CIROZ: variants seen among roughly 807,000 people sequenced by gnomAD.
CIROZ encodes ciliated left-right organizer protein containing ZP-N domains.
the CIROZ span, among the ~76,000 whole-genome samples, chr1:10,979,518 C>T: frequency 6.6e-6 from 1 of 152,088 alleles, no homozygotes; most frequent in Non-Finnish European, 1.5e-5. Context: ...GTTGGTTCAA[C>T]CACTCTTGGG....
At chr1:10,951,485 G>A in the CIROZ span, among the ~76,000 whole-genome samples, 1 of 151,456 alleles carries the variant, frequency 6.6e-6, no homozygotes, top group Non-Finnish European at 1.5e-5. Flanking sequence ...GGTGGAGGTT[G>A]CAGTGAGCCA....
chr1:10,976,327 CATT>C, the CIROZ span: 3 of 890,624 alleles, frequency 3.4e-6, no homozygotes, highest in Non-Finnish European at 5.1e-6. Flanking sequence ...TTCATTCACT[CATT>C]ATATTTCTTT....
the CIROZ span, among the ~76,000 whole-genome samples, chr1:10,957,266 C>A: frequency 6.6e-6 from 1 of 152,234 alleles, no homozygotes; most frequent in Non-Finnish European, 1.5e-5. Flanking sequence ...GCCGATGCAA[C>A]TAGGAAATAT....
the CIROZ span, chr1:10,948,208 G>A: frequency 6.2e-7 from 1 of 1,613,892 alleles, no homozygotes; most frequent in Non-Finnish European, 8.5e-7. Flanking sequence ...GAGGATGAAA[G>A]GTCCATGTGC....
the CIROZ span, chr1:10,970,177 G>A: frequency 1.8e-6 from 2 of 1,115,504 alleles, no homozygotes; most frequent in Middle Eastern, 2.4e-4. Flanking sequence ...AGGAAGGAAG[G>A]AAAAGAAGGA....
At chr1:10,968,536 G>C in the CIROZ span, among the ~76,000 whole-genome samples, 1 of 152,222 alleles carries the variant, frequency 6.6e-6, no homozygotes, top group Non-Finnish European at 1.5e-5. Context: ...GCTCGCTGGG[G>C]AAATAAAGTG....
the CIROZ span, chr1:10,957,025 G>A: frequency 1.3e-5 from 20 of 1,550,644 alleles, no homozygotes; most frequent in African/African-American, 4.1e-5. Flanking sequence ...GGTCTTACCC[G>A]GTGGGCAAGC....
At chr1:10,947,211 T>G in the CIROZ span, among the ~76,000 whole-genome samples, 1 of 152,192 alleles carries the variant, frequency 6.6e-6, no homozygotes, top group Non-Finnish European at 1.5e-5. Flanking sequence ...GACTTGAACC[T>G]AGCTCCTGGC....
At chr1:10,951,173 C>T in the CIROZ span, among the ~76,000 whole-genome samples, 9 of 152,206 alleles carry the variant, frequency 5.9e-5, no homozygotes, top group African/African-American at 2.2e-4. Flanking sequence ...GTGGTTCACA[C>T]CTGTAATCCC....
chr1:10,960,949 T>C, the CIROZ span, among the ~76,000 whole-genome samples: 1 of 152,174 alleles, frequency 6.6e-6, no homozygotes, highest in Non-Finnish European at 1.5e-5. The surrounding 1 kb of genome is among the most constrained non-coding windows in gnomAD (Gnocchi z 4.6). Flanking sequence ...GACCTGCCTC[T>C]GCTCCTTGTG....
the CIROZ span, among the ~76,000 whole-genome samples, chr1:10,952,059 G>C: frequency 6.6e-6 from 1 of 152,056 alleles, no homozygotes; most frequent in African/African-American, 2.4e-5. Flanking sequence ...CATTTATGAA[G>C]TGCTTACAAG....
At chr1:10,972,420 TACACACACACACACACACAC>T in the CIROZ span, among the ~76,000 whole-genome samples, 1 of 131,724 alleles carries the variant, frequency 7.6e-6, no homozygotes, top group Non-Finnish European at 1.6e-5. Flanking sequence ...GTCTCTGAAA[TACACACACACACACACACAC>T]ACACACACAC....
the CIROZ span, chr1:10,955,283 T>A: frequency 8.5e-7 from 1 of 1,171,906 alleles, no homozygotes; most frequent in African/African-American, 1.5e-5. Context: ...GCCACACCTG[T>A]GGCCGGCACA....
chr1:10,978,911 AG>A, the CIROZ span, among the ~76,000 whole-genome samples: 1 of 152,116 alleles, frequency 6.6e-6, no homozygotes, highest in African/African-American at 2.4e-5. Context: ...AGCCATGGCC[AG>A]GGGTGCAGGC....
chr1:10,959,889 C>T, the CIROZ span, among the ~76,000 whole-genome samples: 8,994 of 152,238 alleles, frequency 0.059, 845 homozygotes, highest in African/African-American at 0.2. This position sits in a 1 kb window ranked among gnomAD's most constrained non-coding sequence, Gnocchi z 4.3. Context: ...TTAGGGGGTG[C>T]TGCCTTCCCT....
At chr1:10,957,325 A>G in the CIROZ span, among the ~76,000 whole-genome samples, 1 of 152,370 alleles carries the variant, frequency 6.6e-6, no homozygotes, top group Non-Finnish European at 1.5e-5. Context: ...AGCAAATGTC[A>G]TGTGAGCCGT....
At chr1:10,964,005 A>G in the CIROZ span, 2 of 1,214,504 alleles carry the variant, frequency 1.6e-6, no homozygotes, top group Non-Finnish European at 2.3e-6. Flanking sequence ...ATCTGCAGCT[A>G]CCACCTGTCT....
the CIROZ span, among the ~76,000 whole-genome samples, chr1:10,968,638 C>T: frequency 6.6e-6 from 1 of 152,224 alleles, no homozygotes; most frequent in African/African-American, 2.4e-5. Context: ...CTGCTGCTCA[C>T]ACCTGCTTGC....
the CIROZ span, among the ~76,000 whole-genome samples, chr1:10,963,186 C>T: frequency 6.6e-6 from 1 of 151,768 alleles, no homozygotes; most frequent in Non-Finnish European, 1.5e-5. Flanking sequence ...GTCAGGAGTT[C>T]AAGACCAGCC....
Sources: allele counts gnomAD v4.1 joint callset (sites outside exome capture counted in the v4.1 genomes callset), GRCh38; gene constraint gnomAD v4.1.1; non-coding constraint Gnocchi (gnomAD v3.1); transcripts MANE v1.5; gene names NCBI Gene and HGNC (gene_info 2026-07-23, HGNC 2026-07-21).